Variants in ASAP2 observed in about 807,000 individuals in gnomAD.
ASAP2 encodes the protein arf-GAP with SH3 domain, ANK repeat and PH domain-containing protein 2.
ASAP2 carries 45 observed loss-of-function variants against 131.4 expected under a neutral mutation model. The ratio of observed to expected loss-of-function variants is 0.34; its 90% CI spans 0.27 to 0.44. The LOEUF (loss-of-function observed/expected upper bound fraction) is 0.44, where lower values mean the gene tolerates loss of function less well. Ranked by LOEUF, ASAP2 falls within the 20% of genes least tolerant of loss-of-function variation. The pLI, the probability that ASAP2 is intolerant of heterozygous loss-of-function variation, is 1.00. For synonymous variants in ASAP2, 510 were observed against 503.0 expected, an observed-to-expected ratio of 1.01 and a Z score of -0.19; for missense variants, 1,011 against 1,297.0, an observed-to-expected ratio of 0.78 and a Z score of 3.39.
intron 1 of ASAP2, among the ~76,000 whole-genome samples, chr2:9,273,721 A>G (rs1666567078): frequency 6.6e-6 from 1 of 152,158 alleles, no homozygotes; most frequent in African/African-American, 2.4e-5. Context: ...TGGGGGCCAC[A>G]GGACCAGATG....
At chr2:9,288,258 A>T (rs1667592033) in intron 2 of ASAP2, among the ~76,000 whole-genome samples, 3 of 152,216 alleles carry the variant, frequency 2.0e-5, no homozygotes. Flanking sequence ...CGATGACTTC[A>T]TCTGTTTCCT....
At chr2:9,270,333 C>G (rs570070965) in intron 1 of ASAP2, among the ~76,000 whole-genome samples, 2 of 152,130 alleles carry the variant, frequency 1.3e-5, no homozygotes, top group African/African-American at 4.8e-5. Flanking sequence ...GAGCCTGGGT[C>G]TGGTTAGAAT....
chr2:9,210,113 C>T (rs985631030), intron 1 of ASAP2, among the ~76,000 whole-genome samples: 2 of 152,102 alleles, frequency 1.3e-5, no homozygotes, highest in African/African-American at 4.8e-5. Flanking sequence ...AGTAATTTGC[C>T]AAAGGTTATA....
Position 9,323,129 on chromosome 2 carries a change from T to TAGAAAAGG in ASAP2, c.486_493dup (p.Lys165ArgfsTer12). On this transcript the variant is annotated frameshift_variant, in exon 6 of 28. Coordinates refer to ENST00000281419, the MANE Select transcript of ASAP2 (RefSeq NM_003887.3). LOFTEE classifies it high-confidence loss of function. Reference sequence around the variant, plus strand: ...CTTGCTTTCACACGTAGAACCAAGATAGAAAAGGAGAAAAAGGAACACGCC... The same window carrying TAGAAAAGG: ...CTTGCTTTCACACGTAGAACCAAGATAGAAAAGGAGAAAAGGAGAAAAAGGAACACGCC... 6.2e-7 allele frequency: 1 copy of TAGAAAAGG among 1,614,072 alleles called. No homozygotes were observed. Among genetic ancestry groups the TAGAAAAGG allele is most frequent in the Non-Finnish European group, 8.5e-7 (1 of 1,179,996 alleles).
intron 2 of ASAP2, among the ~76,000 whole-genome samples, chr2:9,283,938 G>A (rs1184525536): frequency 6.6e-6 from 1 of 152,178 alleles, no homozygotes; most frequent in African/African-American, 2.4e-5. Context: ...AGACACCATT[G>A]CCTTGGGGAT....
Position 9,357,478 on chromosome 2 carries a change from AAAAC to A in ASAP2, c.1327+1145_1327+1148del, listed in dbSNP as rs370470792. On this transcript the variant is annotated intron_variant, in intron 14 of 27. Transcript: ENST00000281419. ...TGGGCAACAGAACGAGACTGTATTT[AAAAC>A]AAACAAACAAAAAACCCGAAAATAC... 6.6e-3 allele frequency among the ~76,000 whole-genome samples: 1,010 copies of A among 152,242 alleles called. 11 individuals are homozygous for A. Among genetic ancestry groups the A allele is most frequent in the African/African-American group, 0.023 (955 of 41,528 alleles).
chr2:9,286,480 C>T (rs2148344229), intron 2 of ASAP2, among the ~76,000 whole-genome samples: 2 of 150,460 alleles, frequency 1.3e-5, no homozygotes, highest in Non-Finnish European at 2.9e-5. Context: ...TGATTTCTAC[C>T]TGTTACATGA....
chr2:9,289,573 C>T (rs138586564), intron 2 of ASAP2, among the ~76,000 whole-genome samples: 167 of 152,302 alleles, frequency 1.1e-3, no homozygotes, highest in Admixed American at 3.2e-3. Flanking sequence ...AGCCCAGTCT[C>T]CACTCTTCAC....
chr2:9,266,335 T>C (rs1665949497), intron 1 of ASAP2, among the ~76,000 whole-genome samples: 1 of 152,062 alleles, frequency 6.6e-6, no homozygotes, highest in Admixed American at 6.6e-5. Context: ...TTTGTAGAGA[T>C]GGGGTCTCAC....
rs1316285245 is a variant in ASAP2, at chr2:9,400,038, C to G, written c.2700C>G (p.Thr900=). ...KKPAPGADKS[T]PLTNKGQPRG... is the part of the protein sequence containing the mutation. ...GTCTTTGTAGGGCTGACAAGTCCACCCCACTGACCAACAAAGGCCAACCGA... is the reference window on the plus strand; with the variant it reads ...GTCTTTGTAGGGCTGACAAGTCCACGCCACTGACCAACAAAGGCCAACCGA... Residue 900 remains threonine, a synonymous_variant, in exon 25 of 28, where the codon ACC becomes ACG. Coordinates refer to ENST00000281419, the MANE Select transcript of ASAP2 (RefSeq NM_003887.3). 6.2e-7 allele frequency: 1 copy of G among 1,613,384 alleles called. No individual in the cohort carries two copies. The highest frequency in any genetic ancestry group is 1.1e-5 in the South Asian group (1 of 91,072).
intron 19 of ASAP2, among the ~76,000 whole-genome samples, 185 bp downstream of exon 19, chr2:9,379,244 A>G (rs1674645261): frequency 6.6e-6 from 1 of 152,196 alleles, no homozygotes; most frequent in Non-Finnish European, 1.5e-5. Flanking sequence ...GGCCGCATTC[A>G]CCATCTGTTA....
chr2:9,207,051 A>T lies in ASAP2; in HGVS notation c.-54A>T. ...AGCGGCGGTCGGAGCCTGCTGCGGC[A>T]GTTGAGGCGGCGGCGCCCCTGCGGC... On this transcript the variant is annotated 5_prime_UTR_variant, in exon 1 of 28. Coordinates refer to ENST00000281419, the MANE Select transcript of ASAP2 (RefSeq NM_003887.3). The surrounding 1 kb of genome is among the most constrained non-coding windows in gnomAD (Gnocchi z 4.1). The T allele has an allele frequency of 7.2e-7, 1 of 1,395,472 alleles. No homozygotes were observed. Among genetic ancestry groups the T allele is most frequent in the East Asian group, 3.1e-5 (1 of 32,428 alleles). The allele number at this position is 1,395,472 out of a possible 1,614,324, so 86.4% of individuals were successfully genotyped here. A position where few individuals can be genotyped will look rare whatever the true frequency, so the allele number is the denominator to read the frequency against.
intron 14 of ASAP2, among the ~76,000 whole-genome samples, chr2:9,357,045 C>T (rs1397030810): frequency 6.6e-6 from 1 of 151,966 alleles, no homozygotes; most frequent in Non-Finnish European, 1.5e-5. Context: ...AATGGTTAAT[C>T]CCCTTTTCAT....
At chr2:9,247,271 C>T (rs1664402303) in intron 1 of ASAP2, among the ~76,000 whole-genome samples, 2 of 152,190 alleles carry the variant, frequency 1.3e-5, no homozygotes, top group Admixed American at 1.3e-4. Context: ...TGAGGATGAA[C>T]TCTTCGCTCC....
rs75701656 is a variant in ASAP2, at chr2:9,388,520, C to T, written c.2357C>T (p.Pro786Leu). Residue 786 changes from proline to leucine, a missense_variant, in exon 22 of 28, where the codon CCG becomes CTG. Physicochemically the swap from Pro to Leu is moderately conservative, Grantham distance 98. This residue lies in a region of ASAP2 where 652 missense variants were observed against 698.9 expected (regional missense o/e 0.93). Coordinates refer to ENST00000281419, the MANE Select transcript of ASAP2 (RefSeq NM_003887.3). Reference protein sequence around the residue: ...PAAPSTTSAPPLPPRNVGKVQ... With the variant: ...PAAPSTTSAPLLPPRNVGKVQ... ...GCCCCCAGCACCACCAGCGCCCCCCCGCTTCCTCCACGGAATGTTGGCAAA... is the reference window on the plus strand; with the variant it reads ...GCCCCCAGCACCACCAGCGCCCCCCTGCTTCCTCCACGGAATGTTGGCAAA... The T allele has an allele frequency of 1.5e-5, 24 of 1,613,324 alleles. No individual in the cohort carries two copies. Among genetic ancestry groups the T allele is most frequent in the Middle Eastern group, 1.6e-4 (1 of 6,064 alleles).
At chr2:9,271,405 T>C in intron 1 of ASAP2, 1 of 1,417,934 alleles carries the variant, frequency 7.1e-7, no homozygotes, top group Non-Finnish European at 1.0e-6. Flanking sequence ...ATATTCTGGA[T>C]GCTCAATTAC....
chr2:9,334,435 C>T (rs1671064928), intron 7 of ASAP2, among the ~76,000 whole-genome samples: 2 of 152,124 alleles, frequency 1.3e-5, no homozygotes, highest in South Asian at 4.1e-4. Flanking sequence ...GCCCCATGGC[C>T]TTTCTGGCTT....
intron 1 of ASAP2, among the ~76,000 whole-genome samples, chr2:9,209,368 T>C (rs1661371552): frequency 6.6e-6 from 1 of 152,242 alleles, no homozygotes; most frequent in Non-Finnish European, 1.5e-5. Flanking sequence ...TTCGTGTCTA[T>C]TACCAAAACT....
At chr2:9,313,606 T>A (rs1240193534) in intron 3 of ASAP2, among the ~76,000 whole-genome samples, 1 of 152,250 alleles carries the variant, frequency 6.6e-6, no homozygotes, top group Non-Finnish European at 1.5e-5. Flanking sequence ...GTAGGCTGCC[T>A]TCTTTCTTGC....
Sources: allele counts gnomAD v4.1 joint callset (sites outside exome capture counted in the v4.1 genomes callset), GRCh38; gene constraint gnomAD v4.1.1; regional missense constraint gnomAD v4.1.1; non-coding constraint Gnocchi (gnomAD v3.1); transcripts MANE v1.5; gene names NCBI Gene and HGNC (gene_info 2026-07-23, HGNC 2026-07-21).